Variants in ADAMTS12 observed in about 807,000 individuals in gnomAD.
ADAMTS12 encodes the protein ADAM metallopeptidase with thrombospondin type 1 motif 12, also known as A disintegrin and metalloproteinase with thrombospondin motifs 12.
In ADAMTS12, 118 loss-of-function variants were observed where a neutral mutation model predicts 167.8. That is an observed-to-expected ratio of 0.70 (90% CI 0.61 to 0.82). The LOEUF (loss-of-function observed/expected upper bound fraction) is 0.82, where lower values mean the gene tolerates loss of function less well. Ranked by LOEUF, ADAMTS12 falls within the 40% of genes least tolerant of loss-of-function variation. The pLI, the probability that ADAMTS12 is intolerant of heterozygous loss-of-function variation, is 0.00. For synonymous variants in ADAMTS12, 704 were observed against 716.9 expected (o/e 0.98, Z 0.29); for missense variants, 1,916 against 1,998.8 (o/e 0.96, Z 0.79).
intron 10 of ADAMTS12, 71 bp downstream of exon 10, chr5:33,643,307 C>T: frequency 6.7e-7 from 1 of 1,500,216 alleles, no homozygotes; most frequent in Admixed American, 1.7e-5. Context: ...CCCTCTAGGG[C>T]CTTCTCCTCA....
At chr5:33,638,315 A>G (rs1281505545) in intron 11 of ADAMTS12, among the ~76,000 whole-genome samples, 1 of 152,186 alleles carries the variant, frequency 6.6e-6, no homozygotes, top group East Asian at 1.9e-4. Context: ...GACCTTAATT[A>G]TTTTAGTTCC....
chr5:33,642,270 A>G (rs530456375), intron 10 of ADAMTS12, among the ~76,000 whole-genome samples: 2 of 152,340 alleles, frequency 1.3e-5, no homozygotes, highest in East Asian at 3.9e-4. Flanking sequence ...CTTGTTAGGA[A>G]AAGCATGTCA....
intron 5 of ADAMTS12, among the ~76,000 whole-genome samples, chr5:33,665,071 C>T (rs1741419798): frequency 6.6e-6 from 1 of 152,116 alleles, no homozygotes; most frequent in South Asian, 2.1e-4. Flanking sequence ...ATGGAACATT[C>T]ATTATTCAGC....
Position 33,596,074 on chromosome 5 carries a change from A to G in ADAMTS12, c.2528-14T>C, listed in dbSNP as rs146619073. 1.6e-4 allele frequency: 254 copies of G among 1,613,658 alleles called. No homozygotes were observed. The African/African-American group carries it at 2.8e-3, about 18-fold the overall frequency. On this transcript the variant is annotated splice_polypyrimidine_tract_variant and intron_variant, in intron 16 of 23. Transcript: ENST00000504830. ...GGCGGCGGATACCTGGGGGTCAGAC[A>G]GAAAGATTCACACATATTGAATCCT...
At chr5:33,795,281 C>T (rs932645177) in intron 2 of ADAMTS12, among the ~76,000 whole-genome samples, 5 of 152,256 alleles carry the variant, frequency 3.3e-5, no homozygotes, top group African/African-American at 2.4e-5. Flanking sequence ...CTGGCGAATT[C>T]AGTGATTGGA....
At chr5:33,713,865 A>T (rs1249360112) in intron 3 of ADAMTS12, among the ~76,000 whole-genome samples, 2 of 152,140 alleles carry the variant, frequency 1.3e-5, no homozygotes, top group Admixed American at 6.6e-5. Context: ...GGGAGACATT[A>T]AAAAACCCAG....
At chr5:33,666,850 A>G (rs1741490451) in intron 5 of ADAMTS12, among the ~76,000 whole-genome samples, 2 of 152,194 alleles carry the variant, frequency 1.3e-5, no homozygotes, top group South Asian at 2.1e-4. Flanking sequence ...TGTTTACTCT[A>G]TAACAGATTA....
chr5:33,859,765 G>C (rs1279664385), intron 2 of ADAMTS12, among the ~76,000 whole-genome samples: 2 of 152,158 alleles, frequency 1.3e-5, no homozygotes, highest in Non-Finnish European at 2.9e-5. Context: ...CAGAGCTCCA[G>C]GTGGCATCTC....
rs75510738 is a variant in ADAMTS12, at chr5:33,866,524, A to C, written c.489+14595T>G. Among the ~76,000 whole-genome samples the C allele has an allele frequency of 7.0e-3, 1,059 of 152,284 alleles. 51 individuals are homozygous for C. In the East Asian group the frequency reaches 0.11, roughly 16 times the overall value. ...AGAAACCTAGGAAAAACTCTTATGA[A>C]CATTGGCCTATGCAAAATATTTATG... On this transcript the variant is annotated intron_variant, in intron 2 of 23. Transcript: ENST00000504830.
At chr5:33,698,845 C>T (rs560685714) in intron 3 of ADAMTS12, among the ~76,000 whole-genome samples, 1 of 151,766 alleles carries the variant, frequency 6.6e-6, no homozygotes, top group South Asian at 2.1e-4. Flanking sequence ...AACTCAATTA[C>T]TTGTTTTAAC....
At chr5:33,834,118 CTATGTCCA>C (rs1191917842) in intron 2 of ADAMTS12, among the ~76,000 whole-genome samples, 2 of 152,098 alleles carry the variant, frequency 1.3e-5, no homozygotes, top group African/African-American at 2.4e-5. Flanking sequence ...CTGTATGTTT[CTATGTCCA>C]AATTTTCTCT....
intron 2 of ADAMTS12, among the ~76,000 whole-genome samples, chr5:33,773,293 T>C (rs1269256743): frequency 6.6e-6 from 1 of 152,242 alleles, no homozygotes; most frequent in Non-Finnish European, 1.5e-5. Flanking sequence ...TAGAGCTTCC[T>C]ATAATAGATA....
intron 4 of ADAMTS12, 109 bp downstream of exon 4, chr5:33,683,750 T>C (rs1476393894): frequency 1.4e-6 from 1 of 713,296 alleles, no homozygotes; most frequent in African/African-American, 1.8e-5. Flanking sequence ...TATATATTTA[T>C]AAAAATAAGT....
intron 5 of ADAMTS12, among the ~76,000 whole-genome samples, chr5:33,663,013 G>T (rs1485017885): frequency 6.6e-6 from 1 of 152,150 alleles, no homozygotes; most frequent in Non-Finnish European, 1.5e-5. Context: ...TCTGTATTTT[G>T]CTGAGGCCCA....
intron 2 of ADAMTS12, among the ~76,000 whole-genome samples, chr5:33,812,008 T>C (rs10055310): frequency 0.76 from 116,324 of 152,106 alleles, 44,780 homozygotes; most frequent in African/African-American, 0.84. Context: ...GTCAGCAGCT[T>C]GGTGTGGTGT....
intron 7 of ADAMTS12, among the ~76,000 whole-genome samples, chr5:33,655,451 A>G (rs978031903): frequency 1.6e-4 from 24 of 152,066 alleles, no homozygotes; most frequent in Admixed American, 1.3e-4. Flanking sequence ...GAGTTTGTCC[A>G]TGGGATTAAG....
chr5:33,781,548 G>C (rs1272805769), intron 2 of ADAMTS12, among the ~76,000 whole-genome samples: 1 of 152,102 alleles, frequency 6.6e-6, no homozygotes, highest in African/African-American at 2.4e-5. Context: ...AAACAAAGAA[G>C]CAAACAAAAC....
intron 16 of ADAMTS12, among the ~76,000 whole-genome samples, chr5:33,613,231 C>A (rs936499462): frequency 6.6e-6 from 1 of 152,178 alleles, no homozygotes; most frequent in Admixed American, 6.5e-5. Context: ...CAGACTTGGA[C>A]GTGACCCAAA....
At chr5:33,565,674 G>GTTTTTTTTTTTTTTTTTTTTTTT (rs4049324) in intron 19 of ADAMTS12, among the ~76,000 whole-genome samples, 1 of 126,310 alleles carries the variant, frequency 7.9e-6, no homozygotes, top group Non-Finnish European at 1.7e-5. Flanking sequence ...TTTTTTGTTT[G>GTTTTTTTTTTTTTTTTTTTTTTT]TTTTTTTTTT....
Sources: gnomAD v4.1 joint callset for allele counts (sites outside exome capture counted in the v4.1 genomes callset) on GRCh38, gnomAD v4.1.1 for gene constraint, MANE v1.5 for transcripts, NCBI Gene and HGNC (gene_info 2026-07-23, HGNC 2026-07-21) for gene names.